MED12L: variants seen among roughly 807,000 people sequenced by gnomAD.
MED12L encodes the protein mediator of RNA polymerase II transcription subunit 12-like protein.
MED12L carries 60 observed loss-of-function variants against 281.3 expected under a neutral mutation model. The ratio of observed to expected loss-of-function variants is 0.21; its 90% confidence interval spans 0.17 to 0.26. The LOEUF is 0.26. Among genes scored for constraint, MED12L ranks in the 10% least tolerant of loss-of-function variants. MED12L has a pLI of 1.00. For synonymous variants in MED12L, 974 were observed against 987.2 expected (o/e 0.99, Z 0.25); for missense variants, 2,146 against 2,680.9 (o/e 0.80, Z 4.41).
chr3:151,164,997 T>A (rs1670198968), intron 9 of MED12L, among the ~76,000 whole-genome samples: 1 of 149,606 alleles, frequency 6.7e-6, no homozygotes. Flanking sequence ...AAACTTAAAG[T>A]ATAATAAAAA....
intron 43 of MED12L, 28 bp downstream of exon 43, chr3:151,416,450 A>G (rs1717566374): frequency 6.2e-7 from 1 of 1,608,776 alleles, no homozygotes; most frequent in Non-Finnish European, 8.5e-7. Context: ...GGAATCAGAC[A>G]TGTGGGTTTC....
chr3:151,275,247 C>A (rs921673825), intron 16 of MED12L, among the ~76,000 whole-genome samples: 2 of 152,062 alleles, frequency 1.3e-5, no homozygotes, highest in Non-Finnish European at 2.9e-5. Flanking sequence ...GTGTACAGAT[C>A]GCTTTGGGCC....
chr3:151,404,886 A>G (rs1018014209), intron 39 of MED12L, among the ~76,000 whole-genome samples: 7 of 152,306 alleles, frequency 4.6e-5, no homozygotes, highest in African/African-American at 1.7e-4. Flanking sequence ...CCTACATGAA[A>G]AGGAGATCTT....
chr3:151,167,294 GTCT>G (rs1321002095), intron 11 of MED12L, among the ~76,000 whole-genome samples: 3 of 152,124 alleles, frequency 2.0e-5, no homozygotes, highest in South Asian at 4.1e-4. Flanking sequence ...TAAAAAGTTT[GTCT>G]TCTTTTCACA....
At position 151,185,514 on chromosome 3, in the gene MED12L, T is replaced by A. The variant is rs555445305; in HGVS notation, c.1626+53T>A. 2.5e-6 allele frequency: 4 copies of A among 1,592,664 alleles called. No individual in the cohort carries two copies. In the Admixed American group the frequency reaches 6.9e-5, roughly 27 times the overall value. ...GAATGCCGTAATGTAAAAATACTGTTTTGGGGAAGATCATTTTCTCTTACC... is the reference window on the plus strand; with the variant it reads ...GAATGCCGTAATGTAAAAATACTGTATTGGGGAAGATCATTTTCTCTTACC... On this transcript the variant is annotated intron_variant, in intron 12 of 44. Coordinates refer to ENST00000687756, the MANE Select transcript of MED12L (RefSeq NM_001393769.1).
chr3:151,257,131 T>G (rs1197809284), intron 16 of MED12L, among the ~76,000 whole-genome samples: 1 of 152,220 alleles, frequency 6.6e-6, no homozygotes, highest in East Asian at 1.9e-4. Context: ...TTTGAGCTGT[T>G]AAGTTTTCTA....
At chr3:151,117,465 C>T (rs753618936) in intron 3 of MED12L, among the ~76,000 whole-genome samples, 1 of 152,150 alleles carries the variant, frequency 6.6e-6, no homozygotes, top group Admixed American at 6.5e-5. Context: ...TTCTACCTAC[C>T]TATCATTACC....
intron 17 of MED12L, among the ~76,000 whole-genome samples, chr3:151,354,883 A>G (rs375952797): frequency 1.3e-5 from 2 of 152,208 alleles, no homozygotes; most frequent in Non-Finnish European, 2.9e-5. Flanking sequence ...CTAAGTTGTT[A>G]GGTGTCAGGA....
chr3:151,389,889 G>A lies in MED12L; in HGVS notation c.5452-90G>A, dbSNP rs942493785. On this transcript the variant is annotated intron_variant, in intron 37 of 44. Coordinates refer to ENST00000687756, the MANE Select transcript of MED12L (RefSeq NM_001393769.1). ...ACAGCTTTGTACATTGGGATAGGAG[G>A]TACCTCAGATAGCTTACTGAAGTTA... The A allele has an allele frequency of 1.1e-5, 14 of 1,263,300 alleles. No individual in the cohort carries two copies. In the African/African-American group the frequency reaches 1.5e-4, roughly 13 times the overall value. 78.3% of individuals were successfully genotyped at this position (1,263,300 alleles called of 1,614,324 possible). A position where few individuals can be genotyped will look rare whatever the true frequency, so the allele number is the denominator to read the frequency against.
At chr3:151,127,557 T>TA (rs1038473867) in intron 4 of MED12L, among the ~76,000 whole-genome samples, 5 of 152,048 alleles carry the variant, frequency 3.3e-5, no homozygotes, top group African/African-American at 1.2e-4. Flanking sequence ...ATCATTTATT[T>TA]AAAAAAAATG....
At chr3:151,344,535 A>G (rs1752292669) in intron 16 of MED12L, among the ~76,000 whole-genome samples, 1 of 152,170 alleles carries the variant, frequency 6.6e-6, no homozygotes, top group Non-Finnish European at 1.5e-5. Flanking sequence ...AAATGCATTT[A>G]TTGTTTCTAA....
At chr3:151,427,414 CACGCAT>C (rs1437775283) in intron 43 of MED12L, among the ~76,000 whole-genome samples, 1 of 152,186 alleles carries the variant, frequency 6.6e-6, no homozygotes, top group Non-Finnish European at 1.5e-5. Flanking sequence ...CCAACACACA[CACGCAT>C]ACATGTGTAC....
intron 3 of MED12L, among the ~76,000 whole-genome samples, chr3:151,117,579 A>G: frequency 1.3e-5 from 2 of 152,218 alleles, no homozygotes; most frequent in South Asian, 4.1e-4. Flanking sequence ...TAATATCAAT[A>G]TATTTATTCA....
intron 16 of MED12L, among the ~76,000 whole-genome samples, chr3:151,225,079 A>T (rs1294784281): frequency 6.6e-6 from 1 of 152,214 alleles, no homozygotes; most frequent in African/African-American, 2.4e-5. Context: ...TGGATATTTT[A>T]GAACTTCTTT....
At chr3:151,127,652 C>G (rs895777514) in intron 4 of MED12L, among the ~76,000 whole-genome samples, 173 bp from the exon 5 acceptor site, 1 of 151,990 alleles carries the variant, frequency 6.6e-6, no homozygotes, top group African/African-American at 2.4e-5. Context: ...TTAAAATGTT[C>G]CTTTAAAAAA....
rs541425614 is a variant in MED12L, at chr3:151,185,658, T to A, written c.1626+197T>A. Among the ~76,000 whole-genome samples, 4 of 152,282 alleles carry A rather than the reference T, an allele frequency of 2.6e-5. No individual in the cohort carries two copies. In the East Asian group the frequency reaches 7.7e-4, roughly 29 times the overall value. ...TGCAGCCATTTATATTCTGGACTAA[T>A]TTAAAAATGGTATCTTTTAAAATAA... On this transcript the variant is annotated intron_variant, in intron 12 of 44. Coordinates refer to ENST00000687756, the MANE Select transcript of MED12L (RefSeq NM_001393769.1).
intron 16 of MED12L, among the ~76,000 whole-genome samples, chr3:151,304,860 GC>G (rs1746432962): frequency 6.6e-6 from 1 of 152,158 alleles, no homozygotes. Context: ...TTTAGTTCCT[GC>G]TGTATATCAT....
At chr3:151,224,904 C>T (rs1730183591) in intron 16 of MED12L, among the ~76,000 whole-genome samples, 1 of 152,106 alleles carries the variant, frequency 6.6e-6, no homozygotes, top group African/African-American at 2.4e-5. Context: ...TTGCCAAGGC[C>T]GTTTGTTCAT....
chr3:151,426,088 C>G (rs1039395257), intron 43 of MED12L, among the ~76,000 whole-genome samples: 1 of 152,168 alleles, frequency 6.6e-6, no homozygotes, highest in Non-Finnish European at 1.5e-5. Flanking sequence ...TCTAGTAAAC[C>G]TTACTGAACC....
Sources: allele counts gnomAD v4.1 joint callset (sites outside exome capture counted in the v4.1 genomes callset), GRCh38; gene constraint gnomAD v4.1.1; transcripts MANE v1.5; gene names NCBI Gene and HGNC (gene_info 2026-07-23, HGNC 2026-07-21).